CEP44: variants seen among roughly 807,000 people sequenced by gnomAD.
CEP44 encodes the protein centrosomal protein 44, also known as centrosomal protein of 44 kDa.
CEP44 carries 45 observed loss-of-function variants against 46.7 expected under a neutral mutation model. The observed-to-expected ratio is 0.96, with a 90% CI of 0.76 to 1.24. The LOEUF is 1.24. Among genes scored for constraint, CEP44 ranks in the 50% most tolerant of loss-of-function variants. CEP44 has a pLI of 0.00. For missense variants in CEP44, 475 were observed against 459.7 expected (o/e 1.03, Z -0.30); for synonymous variants, 142 against 146.0 (o/e 0.97, Z 0.20).
rs1196578055 is a variant in CEP44 at position 174,310,527 on chromosome 4, T to G, written c.886-256T>G. Among the ~76,000 whole-genome samples, 1 of 151,934 alleles carries G rather than the reference T, an allele frequency of 6.6e-6. No individual in the cohort carries two copies. Among genetic ancestry groups the G allele is most frequent in the Non-Finnish European group, 1.5e-5 (1 of 67,868 alleles). On this transcript the variant is annotated intron_variant, in intron 8 of 11. Transcript: ENST00000503780. This position sits in a 1 kb window ranked among gnomAD's most constrained non-coding sequence, Gnocchi z 4.2. ...CTTATCAAATCTGAGAAATTTGTTT[T>G]TTTTTACTCAGGATTTCAATTTCTG...
chr4:174,319,784 A>G lies in CEP44; in HGVS notation c.*2401A>G. ...TTACACTTACAAAGAGTCTTTATCT[A>G]GACAACATAATTTTTGGAAAAATAA... is the stretch of plus-strand genomic sequence containing the variant. On this transcript the variant is annotated 3_prime_UTR_variant, in exon 12 of 12. Coordinates refer to ENST00000503780, the MANE Select transcript of CEP44 (RefSeq NM_001040157.3). 7 of 939,596 alleles carry G rather than the reference A, an allele frequency of 7.5e-6. No individual in the cohort carries two copies. The highest frequency in any genetic ancestry group is 6.3e-6 in the Non-Finnish European group (5 of 787,716). The allele number at this position is 939,596 out of a possible 1,614,324, so 58.2% of individuals were successfully genotyped here. A position where few individuals can be genotyped will look rare whatever the true frequency, so the allele number is the denominator to read the frequency against.
chr4:174,298,905 TATA>T (rs1459759543), intron 2 of CEP44, among the ~76,000 whole-genome samples, 164 bp from the exon 3 acceptor site: 1 of 152,002 alleles, frequency 6.6e-6, no homozygotes, highest in East Asian at 1.9e-4. Context: ...TTCAGAAACT[TATA>T]GTAGTTACAA....
chr4:174,294,852 G>GC (rs1349521075), intron 1 of CEP44, among the ~76,000 whole-genome samples: 1 of 139,874 alleles, frequency 7.1e-6, no homozygotes, highest in Non-Finnish European at 1.6e-5. Context: ...CCGGGCGGGG[G>GC]GCTGATCCCC....
chr4:174,327,205 AG>A (rs1304347955), intron 8 of CEP44, among the ~76,000 whole-genome samples: 10 of 150,180 alleles, frequency 6.7e-5, no homozygotes, highest in Non-Finnish European at 1.2e-4. Flanking sequence ...AGAGAGAGAG[AG>A]AAAAAACAGA....
chr4:174,299,250 A>G (rs1202921811), intron 3 of CEP44, 40 bp downstream of exon 3: 1 of 1,518,034 alleles, frequency 6.6e-7, no homozygotes, highest in Non-Finnish European at 9.0e-7. Flanking sequence ...TCTTCTTGCT[A>G]GTGATTTGAG....
Position 174,296,130 on chromosome 4 carries a change from C to G in CEP44, c.-147-1836C>G, listed in dbSNP as rs546233809. On this transcript the variant is annotated intron_variant, in intron 1 of 11. Transcript: ENST00000503780. ...ATTTTGAAGATAATGTTTCTTTATCCTTTAGCTTCTAACATTGCTATTGAA... is the reference window on the plus strand; with the variant it reads ...ATTTTGAAGATAATGTTTCTTTATCGTTTAGCTTCTAACATTGCTATTGAA... 5.9e-5 allele frequency among the ~76,000 whole-genome samples: 9 copies of G among 152,276 alleles called. No individual in the cohort carries two copies. In the South Asian group the frequency reaches 1.9e-3, roughly 32 times the overall value.
chr4:174,317,275 A>G, intron 11 of CEP44, 60 bp from the exon 12 acceptor site: 1 of 698,668 alleles, frequency 1.4e-6, no homozygotes, highest in Non-Finnish European at 2.1e-6. Context: ...TCAACAACTA[A>G]AATGCTATGC....
In CEP44 at chr4:174,286,340, G is replaced by C. The variant is rs1228267898; in HGVS notation, c.-148+2397G>C. Among the ~76,000 whole-genome samples, 1 of 152,162 alleles carries C rather than the reference G, an allele frequency of 6.6e-6. No homozygotes were observed. The highest frequency in any genetic ancestry group is 1.9e-4 in the East Asian group (1 of 5,200). ...GTGTAAAGGGATGATTTGTATCCTG[G>C]ACAGCTGGGTAATGCGAATTGGAGG... On this transcript the variant is annotated intron_variant, in intron 1 of 11. Transcript: ENST00000503780. The surrounding 1 kb of genome is among the most constrained non-coding windows in gnomAD (Gnocchi z 5.2).
In CEP44 at chr4:174,314,105, A is replaced by G. The variant is rs567036606; in HGVS notation, c.962-2061A>G. Reference sequence around the variant, plus strand: ...GAAAGATTAGTTGTTACGTGGTAAGAGTTGGGTAGAAGATTTCATGTCCCA... The same window carrying G: ...GAAAGATTAGTTGTTACGTGGTAAGGGTTGGGTAGAAGATTTCATGTCCCA... On this transcript the variant is annotated intron_variant, in intron 9 of 11. Coordinates refer to ENST00000503780, the MANE Select transcript of CEP44 (RefSeq NM_001040157.3). This position sits in a 1 kb window ranked among gnomAD's most constrained non-coding sequence, Gnocchi z 4.1. Among the ~76,000 whole-genome samples, 2 of 152,280 alleles carry G rather than the reference A, an allele frequency of 1.3e-5. No individual in the cohort carries two copies. The highest frequency in any genetic ancestry group is 4.8e-5 in the African/African-American group (2 of 41,566).
At position 174,290,001 on chromosome 4, in the gene CEP44, A is replaced by G. The variant is rs1481519948; in HGVS notation, c.-148+6058A>G. On this transcript the variant is annotated intron_variant, in intron 1 of 11. Transcript: ENST00000503780. The surrounding 1 kb of genome is among the most constrained non-coding windows in gnomAD (Gnocchi z 4.3). ...GTCCCAAGTAGGTGGGACTAGAGCC[A>G]CGCACCACCATGCTCAGCTAATTTT... Among the ~76,000 whole-genome samples the G allele has an allele frequency of 1.3e-5, 2 of 151,824 alleles. No individual in the cohort carries two copies. The highest frequency in any genetic ancestry group is 1.3e-4 in the Admixed American group (2 of 15,228).
At chr4:174,307,675 AC>A (rs1175486201) in intron 6 of CEP44, among the ~76,000 whole-genome samples, 16 of 152,260 alleles carry the variant, frequency 1.1e-4, no homozygotes, top group African/African-American at 3.9e-4. Context: ...GTAAACAGAC[AC>A]CCTCCGGAGT....
intron 8 of CEP44, among the ~76,000 whole-genome samples, chr4:174,327,033 T>A (rs1742713047): frequency 1.3e-5 from 2 of 151,488 alleles, no homozygotes; most frequent in Non-Finnish European, 2.9e-5. Context: ...TTTGGCACAT[T>A]TTTAGATATG....
chr4:174,319,783 T>C lies in CEP44; in HGVS notation c.*2400T>C, dbSNP rs557839887. On this transcript the variant is annotated 3_prime_UTR_variant, in exon 12 of 12. Coordinates refer to ENST00000503780, the MANE Select transcript of CEP44 (RefSeq NM_001040157.3). ...TTTACACTTACAAAGAGTCTTTATCTAGACAACATAATTTTTGGAAAAATA... is the reference window on the plus strand; with the variant it reads ...TTTACACTTACAAAGAGTCTTTATCCAGACAACATAATTTTTGGAAAAATA... 4.5e-5 allele frequency: 36 copies of C among 793,944 alleles called. No homozygotes were observed. In the Middle Eastern group the frequency reaches 1.9e-3, roughly 41 times the overall value. The allele number at this position is 793,944 out of a possible 1,614,324, so 49.2% of individuals were successfully genotyped here. A position where few individuals can be genotyped will look rare whatever the true frequency, so the allele number is the denominator to read the frequency against.
In CEP44 at chr4:174,301,896, C is replaced by T; in HGVS notation, c.90-143C>T. On this transcript the variant is annotated intron_variant, in intron 3 of 11. Transcript: ENST00000503780. The surrounding 1 kb of genome is among the most constrained non-coding windows in gnomAD (Gnocchi z 4.3). ...AAATGGGGAATGGAATCTAGAAAGT[C>T]TCATGTATCACCTAATTATTATAGC... The T allele has an allele frequency of 1.4e-6, 1 of 692,334 alleles. No individual in the cohort carries two copies. The highest frequency in any genetic ancestry group is 2.3e-5 in the South Asian group (1 of 42,776). The allele number at this position is 692,334 out of a possible 1,614,324, so 42.9% of individuals were successfully genotyped here. A position where few individuals can be genotyped will look rare whatever the true frequency, so the allele number is the denominator to read the frequency against.
chr4:174,304,589 T>C (rs1740168025), intron 6 of CEP44, among the ~76,000 whole-genome samples: 1 of 152,248 alleles, frequency 6.6e-6, no homozygotes. Context: ...TTTATATTTC[T>C]AATTTCTAAT....
At chr4:174,296,614 A>G (rs1459862991) in intron 1 of CEP44, among the ~76,000 whole-genome samples, 1 of 152,118 alleles carries the variant, frequency 6.6e-6, no homozygotes, top group Non-Finnish European at 1.5e-5. Flanking sequence ...AAAATGTGTT[A>G]AGGTATGCCT....
intron 1 of CEP44, among the ~76,000 whole-genome samples, chr4:174,294,430 C>T (rs1190647174): frequency 1.9e-4 from 29 of 151,718 alleles, no homozygotes; most frequent in African/African-American, 7.0e-4. Flanking sequence ...TGAAAAGTCT[C>T]CCGTGTCTAC....
At chr4:174,325,298 T>C (rs1742589974), downstream of CEP44, among the ~76,000 whole-genome samples, 1 of 152,148 alleles carries the variant, frequency 6.6e-6, no homozygotes, top group South Asian at 2.1e-4. The surrounding 1 kb of genome is among the most constrained non-coding windows in gnomAD (Gnocchi z 4.4). Flanking sequence ...ATTAACAGTG[T>C]TTTTTAAGGA....
rs578256020 is a variant in CEP44, at chr4:174,297,650, TAGTG to T, written c.-147-315_-147-312del. On this transcript the variant is annotated intron_variant, in intron 1 of 11. Coordinates refer to ENST00000503780, the MANE Select transcript of CEP44 (RefSeq NM_001040157.3). This position sits in a 1 kb window ranked among gnomAD's most constrained non-coding sequence, Gnocchi z 4.3. ...GCTGAGATATAGGAAGAAACTTTATTAGTGTGTGTGTGTGTGTGTGTGTGTGTGT... is the reference window on the plus strand; with the variant it reads ...GCTGAGATATAGGAAGAAACTTTATTTGTGTGTGTGTGTGTGTGTGTGTGT... Among the ~76,000 whole-genome samples, 21 of 99,862 alleles carry T rather than the reference TAGTG, an allele frequency of 2.1e-4. No homozygotes were observed. In the South Asian group the frequency reaches 6.6e-3, roughly 31 times the overall value. 65.5% of individuals were successfully genotyped at this position (99,862 alleles called of 152,430 possible).
Sources: gnomAD v4.1 joint callset for allele counts (sites outside exome capture counted in the v4.1 genomes callset) on GRCh38, gnomAD v4.1.1 for gene constraint, Gnocchi (gnomAD v3.1) non-coding constraint, MANE v1.5 for transcripts, NCBI Gene and HGNC (gene_info 2026-07-23, HGNC 2026-07-21) for gene names.